The following BRD4 variants were observed in gnomAD, a reference collection of about 807,000 sequenced individuals.
BRD4 encodes the protein bromodomain containing 4, also known as bromodomain-containing protein 4.
Under a neutral mutation model 142.1 loss-of-function variants are expected in BRD4, and 16 were observed. That is an observed-to-expected ratio of 0.11 (90% confidence interval 0.08 to 0.17). BRD4 has a LOEUF of 0.17. Among genes scored for constraint, BRD4 ranks in the 10% least tolerant of loss-of-function variants. BRD4 has a pLI of 1.00. For synonymous variants in BRD4, 833 were observed against 707.5 expected (o/e 1.18, Z -2.82); for missense variants, 1,424 against 1,810.9 (o/e 0.79, Z 3.88).
intron 1 of BRD4, among the ~76,000 whole-genome samples, chr19:15,328,846 T>A (rs1350573391): frequency 6.6e-6 from 1 of 152,234 alleles, no homozygotes; most frequent in Non-Finnish European, 1.5e-5. Context: ...TGACCTTGGC[T>A]CACCGCAACC....
intron 1 of BRD4, among the ~76,000 whole-genome samples, chr19:15,291,118 T>C (rs1344896816): frequency 2.0e-5 from 3 of 152,144 alleles, no homozygotes; most frequent in Admixed American, 2.0e-4. Flanking sequence ...CTAACATGTG[T>C]CTACTGGGCC....
intron 1 of BRD4, among the ~76,000 whole-genome samples, chr19:15,292,639 G>A (rs914767235): frequency 2.6e-5 from 4 of 151,718 alleles, no homozygotes; most frequent in Non-Finnish European, 5.9e-5. Flanking sequence ...TTAGCTGGGC[G>A]TGGTGGCGGG....
Position 15,271,564 on chromosome 19 carries a change from C to A in BRD4, c.285+1251G>T, listed in dbSNP as rs958894636. ...CACTCCAGTCCCCAGTTCCTTCTCT[C>A]CTGGTTCTGTGCATCTGCTCTGAGA... is the stretch of plus-strand genomic sequence containing the variant. On this transcript the variant is annotated intron_variant, in intron 2 of 19. Coordinates refer to ENST00000679869, the MANE Select transcript of BRD4 (RefSeq NM_001379291.1). Among the ~76,000 whole-genome samples, 3 of 152,188 alleles carry A rather than the reference C, an allele frequency of 2.0e-5. No individual in the cohort carries two copies. The East Asian group carries it at 5.8e-4, about 29-fold the overall frequency.
intron 1 of BRD4, among the ~76,000 whole-genome samples, chr19:15,297,227 A>G (rs1270237327): frequency 6.6e-6 from 1 of 152,190 alleles, no homozygotes; most frequent in African/African-American, 2.4e-5. Context: ...AAGACACAAC[A>G]TAGCATGGCA....
At chr19:15,295,325 G>A (rs912565079) in intron 1 of BRD4, among the ~76,000 whole-genome samples, 4 of 152,172 alleles carry the variant, frequency 2.6e-5, no homozygotes, top group Non-Finnish European at 4.4e-5. Flanking sequence ...CCTGACCCTC[G>A]ATTTCTTCTA....
At chr19:15,278,385 A>T (rs1248927752) in intron 1 of BRD4, among the ~76,000 whole-genome samples, 1 of 151,498 alleles carries the variant, frequency 6.6e-6, no homozygotes, top group Non-Finnish European at 1.5e-5. Flanking sequence ...AATACAGAAA[A>T]ATCAGCCAGG....
intron 11 of BRD4, chr19:15,249,380 C>T: frequency 6.2e-7 from 1 of 1,603,110 alleles, no homozygotes; most frequent in Non-Finnish European, 8.5e-7. Context: ...CAGACTGAGC[C>T]AACCTCCTGC....
chr19:15,247,274 G>T (rs562873391), intron 11 of BRD4: 156 of 197,846 alleles, frequency 7.9e-4, no homozygotes, highest in Non-Finnish European at 1.4e-3. Context: ...GCCGCCTCCC[G>T]CCCCTCCTCA....
chr19:15,262,544 A>G (rs973753801), intron 7 of BRD4, among the ~76,000 whole-genome samples: 6 of 135,648 alleles, frequency 4.4e-5, no homozygotes, highest in African/African-American at 9.0e-5. Flanking sequence ...AAAAAAAAAG[A>G]AAAAAAAAAA....
At chr19:15,253,858 C>T (rs909556077) in intron 11 of BRD4, 50 of 1,288,742 alleles carry the variant, frequency 3.9e-5, no homozygotes, top group Non-Finnish European at 4.9e-5. Context: ...CCAGCTTCCC[C>T]GCCCACCATC....
Position 15,267,479 on chromosome 19 carries a change from T to C in BRD4, c.496A>G (p.Thr166Ala), listed in dbSNP as rs778036078. Residue 166 changes from threonine (T) to alanine (A), a missense_variant, in exon 4 of 20, where the codon ACA (threonine) becomes GCA (alanine). Around this residue, in one of 16 missense-constraint regions of BRD4, gnomAD observed 55 missense variants for 160.7 expected, o/e 0.34. Coordinates refer to ENST00000679869, the MANE Select transcript of BRD4 (RefSeq NM_001379291.1). ...ACTATCATGATCTCGGTTTCTTCTG[T>C]GGGTAGCTCATTTATTTTTTGCAAG... ...LFLQKINELPTEETEIMIVQA... is the reference protein window; with the variant it reads ...LFLQKINELPAEETEIMIVQA... The C allele has an allele frequency of 1.2e-5, 19 of 1,614,100 alleles. No individual in the cohort carries two copies. Among genetic ancestry groups the C allele is most frequent in the South Asian group, 9.9e-5 (9 of 91,088 alleles).
At chr19:15,313,299 G>T (rs1003358063) in intron 1 of BRD4, among the ~76,000 whole-genome samples, 1 of 151,316 alleles carries the variant, frequency 6.6e-6, no homozygotes, top group Non-Finnish European at 1.5e-5. Context: ...TGTGAATCCG[G>T]AAGGCGGAGC....
At chr19:15,240,587 C>T (rs2047230876) in intron 14 of BRD4, among the ~76,000 whole-genome samples, 1 of 152,210 alleles carries the variant, frequency 6.6e-6, no homozygotes, top group African/African-American at 2.4e-5. Flanking sequence ...AATTGGCCTC[C>T]ACCTGCGCCG....
At chr19:15,294,252 G>A (rs1388448039) in intron 1 of BRD4, among the ~76,000 whole-genome samples, 1 of 152,266 alleles carries the variant, frequency 6.6e-6, no homozygotes, top group Non-Finnish European at 1.5e-5. Flanking sequence ...TTGCATTTCT[G>A]CAGCTGTAAC....
chr19:15,302,626 G>GCC (rs1246198398), intron 1 of BRD4, among the ~76,000 whole-genome samples: 29 of 136,766 alleles, frequency 2.1e-4, no homozygotes, highest in Non-Finnish European at 4.1e-4. Context: ...CTGAGATCGT[G>GCC]CCACTGCACT....
chr19:15,296,034 T>C (rs562127002), intron 1 of BRD4, among the ~76,000 whole-genome samples: 6 of 151,554 alleles, frequency 4.0e-5, no homozygotes, highest in African/African-American at 1.2e-4. Context: ...GCCAGGCACA[T>C]CACAAGGCCA....
rs1182056539 is a variant in BRD4 at position 15,310,357 on chromosome 19, TTCCCCCCCCCCCCCC to T, written c.-35+21918_-35+21932del. Among the ~76,000 whole-genome samples the T allele has an allele frequency of 1.9e-4, 10 of 51,308 alleles. 3 individuals carry two copies. The highest frequency in any genetic ancestry group is 1.9e-3 in the Admixed American group (10 of 5,168). The allele number at this position is 51,308 out of a possible 152,430, so 33.7% of individuals were successfully genotyped here. A position where few individuals can be genotyped will look rare whatever the true frequency, so the allele number is the denominator to read the frequency against. On this transcript the variant is annotated intron_variant, in intron 1 of 19. Transcript: ENST00000679869. ...GCACCATGTCCGGCTGATTTTTGGA[TTCCCCCCCCCCCCCC>T]CCCCCCCCGAAGGAGTCTCACTCTG...
intron 1 of BRD4, chr19:15,280,475 G>T: frequency 2.0e-6 from 2 of 1,007,476 alleles, no homozygotes; most frequent in Non-Finnish European, 2.4e-6. Context: ...ACAAATCAGA[G>T]CCAAGACCTC....
At chr19:15,260,778 C>CTGA (rs1162506220) in intron 7 of BRD4, among the ~76,000 whole-genome samples, 3 of 149,738 alleles carry the variant, frequency 2.0e-5, no homozygotes, top group Non-Finnish European at 4.4e-5. Flanking sequence ...GCTTACTCCC[C>CTGA]TCTCAGAAGG....
Sources: allele counts gnomAD v4.1 joint callset (sites outside exome capture counted in the v4.1 genomes callset), GRCh38; gene constraint gnomAD v4.1.1; regional missense constraint gnomAD v4.1.1; transcripts MANE v1.5; gene names NCBI Gene and HGNC (gene_info 2026-07-23, HGNC 2026-07-21).